Variants in USP49 observed in about 807,000 individuals in gnomAD.
The protein encoded by USP49 is ubiquitin specific peptidase 49.
Under a neutral mutation model 58.6 loss-of-function variants are expected in USP49, and 24 were observed. That is an observed-to-expected ratio of 0.41 (90% CI 0.30 to 0.58). USP49 has a LOEUF of 0.58. USP49 is among the 20% of genes least tolerant of loss of function. The probability of loss-of-function intolerance (pLI) is 0.30; values close to 1 mark genes in which losing one functional copy is unlikely to be tolerated. For synonymous variants in USP49, 408 were observed against 365.1 expected (o/e 1.12, Z -1.34); for missense variants, 703 against 866.1 (o/e 0.81, Z 2.36).
At chr6:41,821,640 G>C (rs1773454437) in intron 3 of USP49, among the ~76,000 whole-genome samples, 1 of 151,898 alleles carries the variant, frequency 6.6e-6, no homozygotes, top group Admixed American at 6.6e-5. Context: ...TGGGTGTGGT[G>C]GTGGGCGCCT....
At chr6:41,807,043 G>T (rs1324670060) in intron 3 of USP49, 32 bp from the exon 4 acceptor site, 53 of 1,185,614 alleles carry the variant, frequency 4.5e-5, no homozygotes, top group East Asian at 1.9e-4. Context: ...AAAAGAAAAA[G>T]AAAAAGAAAA....
rs976500782 is a variant in USP49 at position 41,792,005 on chromosome 6, T to G, written c.*4528A>C. The G allele has an allele frequency of 1.3e-5, 2 of 152,260 alleles. No individual in the cohort carries two copies. Among genetic ancestry groups the G allele is most frequent in the African/African-American group, 4.8e-5 (2 of 41,478 alleles). 9.4% of individuals were successfully genotyped at this position (152,260 alleles called of 1,614,324 possible). ...GGCTGAGGGACCCAATTTTCAAGTGTGCATTTGAGTGGGAAACTTTTAAAC... is the reference window on the plus strand; with the variant it reads ...GGCTGAGGGACCCAATTTTCAAGTGGGCATTTGAGTGGGAAACTTTTAAAC... On this transcript the variant is annotated 3_prime_UTR_variant, in exon 8 of 8. Coordinates refer to ENST00000682992, the MANE Select transcript of USP49 (RefSeq NM_001286554.2).
rs137902626 is a variant in USP49 at position 41,884,034 on chromosome 6, T to A, written c.-103+7760A>T. Among the ~76,000 whole-genome samples, 1,476 of 151,324 alleles carry A rather than the reference T, an allele frequency of 9.8e-3. 20 individuals are homozygous for A. Among genetic ancestry groups the A allele is most frequent in the African/African-American group, 0.034 (1,416 of 41,324 alleles). The stretch of plus-strand genomic sequence containing the variant: ...TCCACATGAACAGATCTTTTTTTGT[T>A]TTTTTTTTAGATGGAGTCTCACCCT... On this transcript the variant is annotated intron_variant, in intron 2 of 7. Coordinates refer to ENST00000682992, the MANE Select transcript of USP49 (RefSeq NM_001286554.2).
chr6:41,845,120 C>T (rs1311038935), intron 3 of USP49, among the ~76,000 whole-genome samples: 1 of 152,118 alleles, frequency 6.6e-6, no homozygotes, highest in African/African-American at 2.4e-5. Flanking sequence ...AGGCTGGTCT[C>T]GAACTCCTGA....
intron 2 of USP49, among the ~76,000 whole-genome samples, chr6:41,888,201 T>C (rs1251865884): frequency 6.6e-6 from 1 of 151,814 alleles, no homozygotes; most frequent in Non-Finnish European, 1.5e-5. Flanking sequence ...ATTACGGGCA[T>C]GCACCATCAT....
intron 5 of USP49, among the ~76,000 whole-genome samples, chr6:41,802,464 ATTTATT>A (rs1357682044): frequency 0.011 from 776 of 73,542 alleles, 19 homozygotes; most frequent in African/African-American, 0.038. Context: ...TTATTTATTT[ATTTATT>A]TTTTATTTAT....
At chr6:41,855,222 G>A (rs1774105473) in intron 3 of USP49, among the ~76,000 whole-genome samples, 1 of 149,938 alleles carries the variant, frequency 6.7e-6, no homozygotes, top group Non-Finnish European at 1.5e-5. Context: ...TTCATTAAAA[G>A]TACTTTTATT....
rs1561903661 is a variant in USP49, at chr6:41,805,672, A to G, written c.1312T>C (p.Leu438=). ...TGAAATATGGTATTCACCACCTTTA[A>G]GACCTGTTTGGTGAGCTTCCTCTGG... ...FSQRKLTKQV[L]KVVNTIFHGQ... is the part of the protein sequence containing the mutation. The change falls in exon 4 of 8, where the codon TTA becomes CTA. Residue 438 remains leucine, a synonymous_variant. Transcript: ENST00000682992. 6.2e-7 allele frequency: 1 copy of G among 1,614,184 alleles called. No individual in the cohort carries two copies. Among genetic ancestry groups the G allele is most frequent in the East Asian group, 2.2e-5 (1 of 44,882 alleles).
chr6:41,802,475 A>ATTT (rs1326428600), intron 5 of USP49, among the ~76,000 whole-genome samples: 3 of 66,610 alleles, frequency 4.5e-5, no homozygotes, highest in Admixed American at 1.7e-4. Context: ...TTTATTTTTT[A>ATTT]TTTATTTTTT....
At chr6:41,860,943 A>G (rs1053585623) in intron 3 of USP49, among the ~76,000 whole-genome samples, 12 of 152,074 alleles carry the variant, frequency 7.9e-5, no homozygotes, top group Non-Finnish European at 1.8e-4. Flanking sequence ...CAGCCTGGAC[A>G]AGATAGTGAA....
intron 3 of USP49, among the ~76,000 whole-genome samples, chr6:41,820,404 A>G (rs1773433610): frequency 6.6e-6 from 1 of 152,158 alleles, no homozygotes. Flanking sequence ...CAACTAGAGA[A>G]ACTGAACATG....
At chr6:41,802,471 T>TATTTATTTA (rs747072784) in intron 5 of USP49, among the ~76,000 whole-genome samples, 1 of 71,084 alleles carries the variant, frequency 1.4e-5, no homozygotes, top group Non-Finnish European at 2.6e-5. Flanking sequence ...TTTATTTATT[T>TATTTATTTA]TTTATTTATT....
intron 3 of USP49, among the ~76,000 whole-genome samples, chr6:41,854,509 T>C (rs1301768132): frequency 1.3e-5 from 2 of 152,190 alleles, no homozygotes; most frequent in African/African-American, 4.8e-5. Flanking sequence ...TTCAGACTAA[T>C]AATTTCACTC....
chr6:41,854,859 G>A (rs1212050974), intron 3 of USP49, among the ~76,000 whole-genome samples: 2 of 152,192 alleles, frequency 1.3e-5, no homozygotes, highest in Admixed American at 6.5e-5. Context: ...TGGAACCTCC[G>A]CCTACCAGGT....
chr6:41,836,332 T>G (rs951097555), intron 3 of USP49, among the ~76,000 whole-genome samples: 1 of 152,174 alleles, frequency 6.6e-6, no homozygotes, highest in Non-Finnish European at 1.5e-5. Context: ...TGCTTCATGT[T>G]GAAAATCCTC....
Position 41,795,257 on chromosome 6 carries a change from T to C in USP49, c.*1276A>G, listed in dbSNP as rs1162612057. On this transcript the variant is annotated 3_prime_UTR_variant, in exon 8 of 8. Transcript: ENST00000682992. Reference sequence around the variant, plus strand: ...AAGTGAAGAACTAAGAATGAAGTGGTGCCTGATGGGGACAAGGGTTTTTAT... The same window carrying C: ...AAGTGAAGAACTAAGAATGAAGTGGCGCCTGATGGGGACAAGGGTTTTTAT... The C allele has an allele frequency of 4.6e-5, 7 of 152,204 alleles. No individual in the cohort carries two copies. The highest frequency in any genetic ancestry group is 1.7e-4 in the African/African-American group (7 of 41,446). The allele number at this position is 152,204 out of a possible 1,614,324, so 9.4% of individuals were successfully genotyped here. A position where few individuals can be genotyped will look rare whatever the true frequency, so the allele number is the denominator to read the frequency against.
intron 3 of USP49, among the ~76,000 whole-genome samples, chr6:41,870,276 C>G (rs978234588): frequency 1.3e-5 from 2 of 152,134 alleles, no homozygotes; most frequent in African/African-American, 4.8e-5. Context: ...AATTGAGGCA[C>G]AGAGATAACA....
intron 3 of USP49, among the ~76,000 whole-genome samples, chr6:41,862,452 G>A (rs1307927115): frequency 6.6e-6 from 1 of 152,098 alleles, no homozygotes. Flanking sequence ...TATGTGAACT[G>A]TCAATTCATG....
intron 3 of USP49, among the ~76,000 whole-genome samples, chr6:41,832,630 C>T (rs1773654746): frequency 6.6e-6 from 1 of 152,032 alleles, no homozygotes; most frequent in Admixed American, 6.6e-5. Context: ...CTGGGTTGTT[C>T]AAGGATACCA....
Sources: gnomAD v4.1 joint callset for allele counts (sites outside exome capture counted in the v4.1 genomes callset) on GRCh38, gnomAD v4.1.1 for gene constraint, MANE v1.5 for transcripts, NCBI Gene and HGNC (gene_info 2026-07-23, HGNC 2026-07-21) for gene names.